The following KALRN variants were observed in gnomAD, a reference collection of about 807,000 sequenced individuals.
KALRN encodes the protein kalirin RhoGEF kinase.
KALRN carries 70 observed loss-of-function variants against 353.7 expected under a neutral mutation model. The observed-to-expected ratio is 0.20, with a 90% CI of 0.16 to 0.24. The LOEUF is 0.24. KALRN is among the 10% of genes least tolerant of loss of function. The probability of loss-of-function intolerance (pLI) is 1.00; values close to 1 mark genes in which losing one functional copy is unlikely to be tolerated. For missense variants in KALRN, 2,791 were observed against 3,756.7 expected (o/e 0.74, Z 6.72); for synonymous variants, 1,391 against 1,434.8 (o/e 0.97, Z 0.69).
At chr3:124,306,363 C>A (rs1031067562) in intron 6 of KALRN, among the ~76,000 whole-genome samples, 1 of 151,928 alleles carries the variant, frequency 6.6e-6, no homozygotes, top group Non-Finnish European at 1.5e-5. Flanking sequence ...TAGAGAGGCT[C>A]AATGTAGATT....
intron 11 of KALRN, among the ~76,000 whole-genome samples, chr3:124,388,089 A>G (rs963304735): frequency 1.3e-5 from 2 of 152,118 alleles, no homozygotes; most frequent in African/African-American, 4.8e-5. Flanking sequence ...CACACTAAGT[A>G]CAGCAAGATC....
intron 33 of KALRN, among the ~76,000 whole-genome samples, chr3:124,560,816 G>T (rs2071898802): frequency 6.6e-6 from 1 of 152,184 alleles, no homozygotes; most frequent in Non-Finnish European, 1.5e-5. Context: ...GGTAGAAACT[G>T]CAGTGAGCCA....
At chr3:124,247,008 C>G (rs910732266) in intron 3 of KALRN, among the ~76,000 whole-genome samples, 1 of 152,118 alleles carries the variant, frequency 6.6e-6, no homozygotes, top group African/African-American at 2.4e-5. Flanking sequence ...ACTGTGTTTT[C>G]TATTTCTCTC....
At chr3:124,243,324 G>A (rs546536322) in intron 3 of KALRN, among the ~76,000 whole-genome samples, 1 of 152,278 alleles carries the variant, frequency 6.6e-6, no homozygotes, top group South Asian at 2.1e-4. Flanking sequence ...GTAGGGAGTG[G>A]GGAAGAGCTG....
At chr3:124,587,236 C>T (rs936815569) in intron 34 of KALRN, among the ~76,000 whole-genome samples, 2 of 152,104 alleles carry the variant, frequency 1.3e-5, no homozygotes, top group Admixed American at 1.3e-4. Flanking sequence ...TAGATAAAGG[C>T]GGCCGGTTGT....
At chr3:124,076,809 T>C (rs930266908) in intron 1 of KALRN, among the ~76,000 whole-genome samples, 1 of 152,200 alleles carries the variant, frequency 6.6e-6, no homozygotes, top group African/African-American at 2.4e-5. Flanking sequence ...CCCCAGCTGA[T>C]TGATGCCATG....
intron 21 of KALRN, 26 bp downstream of exon 21, chr3:124,446,911 C>T (rs755817524): frequency 6.2e-7 from 1 of 1,613,118 alleles, no homozygotes; most frequent in Admixed American, 1.7e-5. Context: ...GAGCCTCCCC[C>T]AGATCCACCC....
chr3:124,235,230 A>C (rs147828410), intron 3 of KALRN, among the ~76,000 whole-genome samples: 1 of 152,324 alleles, frequency 6.6e-6, no homozygotes, highest in African/African-American at 2.4e-5. Context: ...ATGCATTTTC[A>C]GTGGGAGTGA....
chr3:124,467,691 C>T (rs554278674), intron 25 of KALRN, among the ~76,000 whole-genome samples: 18 of 152,160 alleles, frequency 1.2e-4, no homozygotes, highest in African/African-American at 3.1e-4. Context: ...GTCTCATTGT[C>T]GCACTCCCAG....
At chr3:124,233,252 G>A (rs1044607260) in intron 2 of KALRN, among the ~76,000 whole-genome samples, 1 of 152,186 alleles carries the variant, frequency 6.6e-6, no homozygotes, top group South Asian at 2.1e-4. Flanking sequence ...CTTGGGGTGA[G>A]GTCAAGGATA....
intron 34 of KALRN, among the ~76,000 whole-genome samples, chr3:124,587,697 A>C (rs13086289): frequency 0.34 from 33,006 of 97,432 alleles, 5,273 homozygotes; most frequent in Middle Eastern, 0.46. Context: ...CCCACCCTCC[A>C]CTTTTTTTTT....
At chr3:124,364,571 G>A (rs2084426828) in intron 10 of KALRN, among the ~76,000 whole-genome samples, 1 of 152,204 alleles carries the variant, frequency 6.6e-6, no homozygotes, top group African/African-American at 2.4e-5. Context: ...ATGGCCCTGG[G>A]TTTTGGCCGA....
At chr3:124,700,513 A>T (rs1458323764) in intron 56 of KALRN, among the ~76,000 whole-genome samples, 1 of 152,184 alleles carries the variant, frequency 6.6e-6, no homozygotes, top group Non-Finnish European at 1.5e-5. Flanking sequence ...TTTTTTCAAC[A>T]TGGGTATAAT....
chr3:124,557,772 C>T (rs1288377933), intron 33 of KALRN, among the ~76,000 whole-genome samples: 2 of 152,104 alleles, frequency 1.3e-5, no homozygotes, highest in East Asian at 1.9e-4. Context: ...ATCTGATGGG[C>T]GCTCTTGGGC....
intron 26 of KALRN, among the ~76,000 whole-genome samples, 176 bp from the exon 27 acceptor site, chr3:124,477,069 C>T (rs770737929): frequency 2.0e-5 from 3 of 152,136 alleles, no homozygotes; most frequent in Non-Finnish European, 4.4e-5. Context: ...GAAAGACATC[C>T]CAATGTCCGT....
At chr3:124,492,575 C>A (rs769121235) in intron 31 of KALRN, among the ~76,000 whole-genome samples, 165 bp from the exon 32 acceptor site, 3 of 152,020 alleles carry the variant, frequency 2.0e-5, no homozygotes, top group Non-Finnish European at 2.9e-5. Context: ...GTTGGAGAAG[C>A]CTGTTTCTGG....
chr3:124,094,740 C>T (rs1452993288), intron 1 of KALRN: 6 of 996,896 alleles, frequency 6.0e-6, no homozygotes, highest in Admixed American at 3.5e-5. Flanking sequence ...AGGCTGTGTG[C>T]GAGCCCAGCG....
At chr3:124,099,304 C>T (rs1260772672) in intron 1 of KALRN, 1 of 152,218 alleles carries the variant, frequency 6.6e-6, no homozygotes, top group East Asian at 1.9e-4. Flanking sequence ...TGAGTGAGAA[C>T]ATGTAATATT....
intron 58 of KALRN, 64 bp downstream of exon 58, chr3:124,713,199 T>C (rs2062974485): frequency 2.1e-6 from 3 of 1,411,524 alleles, no homozygotes; most frequent in Admixed American, 2.1e-5. Flanking sequence ...TTGCCCACAA[T>C]TAATGGAAAA....
Sources: allele counts gnomAD v4.1 joint callset (sites outside exome capture counted in the v4.1 genomes callset), GRCh38; gene constraint gnomAD v4.1.1; transcripts MANE v1.5; gene names NCBI Gene and HGNC (gene_info 2026-07-23, HGNC 2026-07-21).